The following PPT2 variants were observed in gnomAD, a reference collection of about 807,000 sequenced individuals.
The protein encoded by PPT2 is lysosomal thioesterase PPT2.
PPT2 carries 20 observed loss-of-function variants against 37.3 expected under a neutral mutation model. That is an observed-to-expected ratio of 0.54 (90% CI 0.38 to 0.78). The LOEUF (loss-of-function observed/expected upper bound fraction) is 0.78, where lower values mean the gene tolerates loss of function less well. PPT2 is among the 30% of genes least tolerant of loss of function. The pLI is 0.00. For synonymous variants in PPT2, 135 were observed against 159.1 expected, an observed-to-expected ratio of 0.85 and a Z score of 1.14; for missense variants, 270 against 389.8, an observed-to-expected ratio of 0.69 and a Z score of 2.59.
chr6:32,157,619 A>G lies in PPT2; in HGVS notation c.542-18A>G. 1 of 1,556,270 alleles carries G rather than the reference A, an allele frequency of 6.4e-7. No individual in the cohort carries two copies. Among genetic ancestry groups the G allele is most frequent in the East Asian group, 2.2e-5 (1 of 44,582 alleles). On this transcript the variant is annotated intron_variant, in intron 5 of 8. Transcript: ENST00000324816. ...CCTCCCTTTTCTGCTTCTTTTTCTAACTGCTGTTTGTACCCAGATCCCCAC... is the reference window on the plus strand; with the variant it reads ...CCTCCCTTTTCTGCTTCTTTTTCTAGCTGCTGTTTGTACCCAGATCCCCAC...
At chr6:32,153,637 G>T (rs1283803954), upstream of PPT2, 2 of 941,230 alleles carry the variant, frequency 2.1e-6, no homozygotes, top group East Asian at 5.4e-5. This position sits in a 1 kb window ranked among gnomAD's most constrained non-coding sequence, Gnocchi z 4.4. Context: ...ATGAAGAGTT[G>T]TAAGTCGCTG....
rs1783823830 is a variant in PPT2, at chr6:32,156,638, G to C, written c.541+660G>C. Among the ~76,000 whole-genome samples, 1 of 152,132 alleles carries C rather than the reference G, an allele frequency of 6.6e-6. No homozygotes were observed. Among genetic ancestry groups the C allele is most frequent in the Non-Finnish European group, 1.5e-5 (1 of 68,028 alleles). ...CTTCATTTACAAAAACAAGTAGCAG[G>C]CTGGATTTGGTCCTTTGGTCACAGT... On this transcript the variant is annotated intron_variant, in intron 5 of 8. Transcript: ENST00000324816. This position sits in a 1 kb window ranked among gnomAD's most constrained non-coding sequence, Gnocchi z 4.9.
At chr6:32,160,589 C>A (rs1784090488) in intron 7 of PPT2, among the ~76,000 whole-genome samples, 1 of 151,646 alleles carries the variant, frequency 6.6e-6, no homozygotes, top group African/African-American at 2.4e-5. Flanking sequence ...GAACTTGAAA[C>A]CAGGAGGCGG....
rs1015439217 is a variant in PPT2, at chr6:32,154,733, G to A, written c.139G>A (p.Asp47Asn). The A allele has an allele frequency of 6.2e-7, 1 of 1,613,112 alleles. No homozygotes were observed. Among genetic ancestry groups the A allele is most frequent in the Non-Finnish European group, 8.5e-7 (1 of 1,179,982 alleles). ...KPVIVVHGLF[D>N]SSYSFRHLLE... ...GGTCATCGTGGTGCATGGGCTCTTCGACAGCTCGTACAGCTTCCGCCACCT... is the reference window on the plus strand; with the variant it reads ...GGTCATCGTGGTGCATGGGCTCTTCAACAGCTCGTACAGCTTCCGCCACCT... Residue 47 changes from aspartate to asparagine, a missense_variant, in exon 2 of 9, where the codon GAC becomes AAC. Asp to Asn is a conservative substitution (Grantham distance 23). Transcript: ENST00000324816. The surrounding 1 kb of genome is among the most constrained non-coding windows in gnomAD (Gnocchi z 7.3).
intron 7 of PPT2, among the ~76,000 whole-genome samples, chr6:32,160,525 T>C (rs541751727): frequency 6.6e-6 from 1 of 151,176 alleles, no homozygotes; most frequent in Non-Finnish European, 1.5e-5. Context: ...CAAAAATTAG[T>C]GGGCCTGGTG....
At chr6:32,160,958 T>C (rs995955550) in intron 7 of PPT2, among the ~76,000 whole-genome samples, 1 of 147,720 alleles carries the variant, frequency 6.8e-6, no homozygotes, top group Non-Finnish European at 1.5e-5. Flanking sequence ...ATTGCACTCC[T>C]GCCTGGGTGA....
chr6:32,153,918 C>T (rs1255653953), upstream of PPT2: 2 of 1,358,198 alleles, frequency 1.5e-6, no homozygotes, highest in East Asian at 5.4e-5. This position sits in a 1 kb window ranked among gnomAD's most constrained non-coding sequence, Gnocchi z 4.4. Flanking sequence ...GAGAGGCCTT[C>T]TTTCCATTCC....
At position 32,154,858 on chromosome 6, in the gene PPT2, C is replaced by T. The variant is rs971153169; in HGVS notation, c.183+81C>T. ...AGGGAGAGCGGGGAACTGAAAGCCA[C>T]CCCTCTGGGCCTGCCCAGTTCCTCA... On this transcript the variant is annotated intron_variant, in intron 2 of 8. Transcript: ENST00000324816. This position sits in a 1 kb window ranked among gnomAD's most constrained non-coding sequence, Gnocchi z 7.3. 2.6e-5 allele frequency: 40 copies of T among 1,534,730 alleles called. No homozygotes were observed. Among genetic ancestry groups the T allele is most frequent in the African/African-American group, 8.2e-5 (6 of 72,988 alleles).
rs1783681559 is a variant in PPT2 at position 32,155,224 on chromosome 6, A to G, written c.337+41A>G. On this transcript the variant is annotated intron_variant, in intron 3 of 8. Transcript: ENST00000324816. The surrounding 1 kb of genome is among the most constrained non-coding windows in gnomAD (Gnocchi z 4.3). ...GCCCCTAACTCCTAAGCCCTATCTG[A>G]GGCTTGATCCTTATCTGAGGGACAC... 1 of 1,606,766 alleles carries G rather than the reference A, an allele frequency of 6.2e-7. No homozygotes were observed.
rs1338778682 is a variant in PPT2 at position 32,162,203 on chromosome 6, C to T, written c.711-365C>T. Among the ~76,000 whole-genome samples, 2 of 152,016 alleles carry T rather than the reference C, an allele frequency of 1.3e-5. No homozygotes were observed. Among genetic ancestry groups the T allele is most frequent in the East Asian group, 1.9e-4 (1 of 5,188 alleles). On this transcript the variant is annotated intron_variant, in intron 7 of 8. Transcript: ENST00000324816. This position sits in a 1 kb window ranked among gnomAD's most constrained non-coding sequence, Gnocchi z 5.5. ...ATTTCTTCCTTTCTTTTTTCCTTTT[C>T]TTTTTTCTTTCCTTTTTCCTTTCCT... is the stretch of plus-strand genomic sequence containing the variant.
At chr6:32,157,808 C>G (rs894546426) in intron 6 of PPT2, 32 bp from the exon 7 acceptor site, 1 of 1,600,126 alleles carries the variant, frequency 6.2e-7, no homozygotes, top group Non-Finnish European at 8.6e-7. Flanking sequence ...ACCCCTGTGG[C>G]TGACTCAGCC....
At position 32,154,769 on chromosome 6, in the gene PPT2, A is replaced by C; in HGVS notation, c.175A>C (p.Ile59Leu). 2 of 1,612,068 alleles carry C rather than the reference A, an allele frequency of 1.2e-6. No homozygotes were observed. The highest frequency in any genetic ancestry group is 1.7e-6 in the Non-Finnish European group (2 of 1,179,114). ...CAGCTTCCGCCACCTGCTGGAATAC[A>C]TCAATGAGGTCTGGCAGGGGACACC... Reference protein sequence around the residue: ...SYSFRHLLEYINETHPGTVVT... With the variant: ...SYSFRHLLEYLNETHPGTVVT... Residue 59 changes from isoleucine (I) to leucine (L), a missense_variant, in exon 2 of 9, where the codon ATC becomes CTC. Physicochemically the swap from Ile to Leu is conservative, Grantham distance 5. Coordinates refer to ENST00000324816, the MANE Select transcript of PPT2 (RefSeq NM_005155.7). This position sits in a 1 kb window ranked among gnomAD's most constrained non-coding sequence, Gnocchi z 7.3.
At chr6:32,153,982 G>A (rs1373210584), upstream of PPT2, 5 of 1,294,172 alleles carry the variant, frequency 3.9e-6, no homozygotes, top group Non-Finnish European at 4.9e-6. This position sits in a 1 kb window ranked among gnomAD's most constrained non-coding sequence, Gnocchi z 4.4. Flanking sequence ...GGATCGCTCC[G>A]CCTGTTTCCT....
chr6:32,156,846 C>T lies in PPT2; in HGVS notation c.542-791C>T, dbSNP rs996342472. On this transcript the variant is annotated intron_variant, in intron 5 of 8. Coordinates refer to ENST00000324816, the MANE Select transcript of PPT2 (RefSeq NM_005155.7). The surrounding 1 kb of genome is among the most constrained non-coding windows in gnomAD (Gnocchi z 4.9). ...TAAATAAATAAATGAATGCAATGTA[C>T]TTTGAATAGTACCTGGCTCATATAG... 6.6e-6 allele frequency among the ~76,000 whole-genome samples: 1 copy of T among 151,994 alleles called. No individual in the cohort carries two copies. Among genetic ancestry groups the T allele is most frequent in the Non-Finnish European group, 1.5e-5 (1 of 68,014 alleles).
At position 32,154,379 on chromosome 6, in the gene PPT2, G is replaced by A; in HGVS notation, c.-34G>A. On this transcript the variant is annotated 5_prime_UTR_variant, in exon 1 of 9. Coordinates refer to ENST00000324816, the MANE Select transcript of PPT2 (RefSeq NM_005155.7). The surrounding 1 kb of genome is among the most constrained non-coding windows in gnomAD (Gnocchi z 7.3). ...GAACAAGTCCCCCGAACGCTGAGTTGGAGGCGGGACTTCGGGTGCGCGTTG... is the reference window on the plus strand; with the variant it reads ...GAACAAGTCCCCCGAACGCTGAGTTAGAGGCGGGACTTCGGGTGCGCGTTG... 7.0e-7 allele frequency: 1 copy of A among 1,432,560 alleles called. No individual in the cohort carries two copies. The highest frequency in any genetic ancestry group is 1.5e-5 in the South Asian group (1 of 65,196). 88.7% of individuals were successfully genotyped at this position (1,432,560 alleles called of 1,614,324 possible). A position where few individuals can be genotyped will look rare whatever the true frequency, so the allele number is the denominator to read the frequency against.
rs141282610 is a variant in PPT2, at chr6:32,156,183, G to T, written c.541+205G>T. On this transcript the variant is annotated intron_variant, in intron 5 of 8. Transcript: ENST00000324816. This position sits in a 1 kb window ranked among gnomAD's most constrained non-coding sequence, Gnocchi z 4.9. ...GTGCAGTGCACCATCTTGGCTCACT[G>T]CAACCTCCGCCTCCCAGGTTCAAGT... Among the ~76,000 whole-genome samples the T allele has an allele frequency of 4.7e-3, 707 of 151,674 alleles. 8 individuals are homozygous for T. Among genetic ancestry groups the T allele is most frequent in the African/African-American group, 0.016 (659 of 41,294 alleles).
In PPT2 at chr6:32,163,358, G is replaced by C. The variant is rs1784292722; in HGVS notation, c.*408G>C. 5.2e-6 allele frequency: 1 copy of C among 192,656 alleles called. No homozygotes were observed. The highest frequency in any genetic ancestry group is 2.3e-5 in the African/African-American group (1 of 42,702). The allele number at this position is 192,656 out of a possible 1,614,324, so 11.9% of individuals were successfully genotyped here. On this transcript the variant is annotated 3_prime_UTR_variant, in exon 9 of 9. Coordinates refer to ENST00000324816, the MANE Select transcript of PPT2 (RefSeq NM_005155.7). ...TTCCAGGCCACTCAGGACATTTTTA[G>C]CTTCTCTCCTCCCCATGTTCCCTTT...
chr6:32,155,302 C>T lies in PPT2; in HGVS notation c.337+119C>T. 1 of 1,209,572 alleles carries T rather than the reference C, an allele frequency of 8.3e-7. No individual in the cohort carries two copies. Among genetic ancestry groups the T allele is most frequent in the Non-Finnish European group, 1.2e-6 (1 of 861,424 alleles). The allele number at this position is 1,209,572 out of a possible 1,614,324, so 74.9% of individuals were successfully genotyped here. ...ATTGCTCCAGGCACAACCCTGGTAC[C>T]TGAGCCCTTCCTTTCTGACTTCCCT... On this transcript the variant is annotated intron_variant, in intron 3 of 8. Coordinates refer to ENST00000324816, the MANE Select transcript of PPT2 (RefSeq NM_005155.7). The surrounding 1 kb of genome is among the most constrained non-coding windows in gnomAD (Gnocchi z 4.3).
At chr6:32,160,337 A>G (rs1784072935) in intron 7 of PPT2, among the ~76,000 whole-genome samples, 1 of 142,842 alleles carries the variant, frequency 7.0e-6, no homozygotes. Context: ...GAGCCCACGC[A>G]CCCGGCCTTG....
Sources: allele counts gnomAD v4.1 joint callset (sites outside exome capture counted in the v4.1 genomes callset), GRCh38; gene constraint gnomAD v4.1.1; non-coding constraint Gnocchi (gnomAD v3.1); transcripts MANE v1.5; gene names NCBI Gene and HGNC (gene_info 2026-07-23, HGNC 2026-07-21).